Variants in TPRG1 observed in about 807,000 individuals in gnomAD.
The protein encoded by TPRG1 is tumor protein p63 regulated 1, also known as tumor protein p63-regulated gene 1 protein.
In TPRG1, 29 loss-of-function variants were observed where a neutral mutation model predicts 29.3. The observed-to-expected ratio is 0.99, with a 90% CI of 0.74 to 1.35. The LOEUF (loss-of-function observed/expected upper bound fraction) is 1.35. Ranked by LOEUF, TPRG1 falls within the 40% of genes most tolerant of loss-of-function variation. TPRG1 has a pLI of 0.00. For missense variants in TPRG1, 327 were observed against 335.0 expected, an observed-to-expected ratio of 0.98 and a Z score of 0.19; for synonymous variants, 130 against 116.8, an observed-to-expected ratio of 1.11 and a Z score of -0.73.
chr3:189,164,520 A>G (rs1403841938), intron 5 of TPRG1, among the ~76,000 whole-genome samples: 4 of 152,090 alleles, frequency 2.6e-5, no homozygotes, highest in Admixed American at 6.6e-5. Context: ...GTGAAAACCT[A>G]GGATACTAGC....
At chr3:189,188,420 G>A (rs558692134) in intron 1 of TPRG1, among the ~76,000 whole-genome samples, 4 of 152,226 alleles carry the variant, frequency 2.6e-5, no homozygotes, top group Non-Finnish European at 5.9e-5. Flanking sequence ...CTTGTGTTGG[G>A]GCCCAAGTTC....
rs368939332 is a variant in TPRG1, at chr3:189,066,666, T to A, written c.-463+42720T>A. 5.3e-4 allele frequency among the ~76,000 whole-genome samples: 80 copies of A among 149,980 alleles called. 2 individuals are homozygous for A. In the South Asian group the frequency reaches 0.015, roughly 29 times the overall value. On this transcript the variant is annotated intron_variant, in intron 4 of 10. Coordinates refer to the TPRG1 transcript ENST00000433971. ...AAAAAAACTGGCTATAGAAGAAACA[T>A]GCCTCAATACAATAAAAGCCATATA...
At chr3:189,051,046 C>A (rs1272014651) in intron 4 of TPRG1, among the ~76,000 whole-genome samples, 1 of 152,106 alleles carries the variant, frequency 6.6e-6, no homozygotes, top group Non-Finnish European at 1.5e-5. Context: ...CCCACTCTCA[C>A]CACTCCTTTT....
intron 4 of TPRG1, among the ~76,000 whole-genome samples, chr3:189,034,726 G>A (rs1480818507): frequency 6.6e-6 from 1 of 152,024 alleles, no homozygotes; most frequent in Non-Finnish European, 1.5e-5. Context: ...ATTTTCCACT[G>A]AAGAAGCTAA....
At chr3:189,219,624 A>G (rs1351362792) in intron 3 of TPRG1, 1 of 1,289,242 alleles carries the variant, frequency 7.8e-7, no homozygotes. Context: ...TGGAATTTCA[A>G]AAAGTATGAT....
chr3:189,248,111 T>A (rs1180785606), intron 4 of TPRG1, among the ~76,000 whole-genome samples: 1 of 151,910 alleles, frequency 6.6e-6, no homozygotes, highest in Non-Finnish European at 1.5e-5. Context: ...GTGTTTCACC[T>A]ATGAAAATGC....
intron 4 of TPRG1, among the ~76,000 whole-genome samples, chr3:189,299,910 T>A (rs1018122290): frequency 6.6e-6 from 1 of 152,216 alleles, no homozygotes. Context: ...ATGCTAGAAT[T>A]CTACTCAAAA....
At chr3:189,033,261 G>A (rs888636258) in intron 4 of TPRG1, among the ~76,000 whole-genome samples, 4 of 151,598 alleles carry the variant, frequency 2.6e-5, no homozygotes, top group African/African-American at 9.7e-5. Context: ...GAACAGCTAC[G>A]CAGAGTCATT....
At chr3:189,159,647 C>T (rs1167470606) in intron 5 of TPRG1, among the ~76,000 whole-genome samples, 1 of 152,132 alleles carries the variant, frequency 6.6e-6, no homozygotes, top group Non-Finnish European at 1.5e-5. Flanking sequence ...GAGTCCCAAA[C>T]TGGAATGATC....
intron 1 of TPRG1, among the ~76,000 whole-genome samples, chr3:189,112,763 G>C (rs1189498595): frequency 3.3e-5 from 5 of 152,158 alleles, no homozygotes; most frequent in Non-Finnish European, 4.4e-5. Flanking sequence ...GTACCATGCT[G>C]TTTTGGTTAC....
intron 3 of TPRG1, among the ~76,000 whole-genome samples, chr3:189,136,021 T>C (rs1366968297): frequency 1.3e-5 from 2 of 152,210 alleles, no homozygotes; most frequent in African/African-American, 4.8e-5. Flanking sequence ...TAAATTATAT[T>C]ATAGCTGTGT....
chr3:189,264,671 G>C (rs1410085300), intron 4 of TPRG1, among the ~76,000 whole-genome samples: 1 of 152,028 alleles, frequency 6.6e-6, no homozygotes, highest in African/African-American at 2.4e-5. Flanking sequence ...TCACCAAAAA[G>C]ATTTTTTAAG....
chr3:189,110,823 C>G (rs1436675931), intron 1 of TPRG1, among the ~76,000 whole-genome samples: 2 of 151,810 alleles, frequency 1.3e-5, no homozygotes, highest in East Asian at 3.8e-4. Flanking sequence ...AAAGACTACC[C>G]TTTCTTTACT....
In TPRG1 at chr3:189,266,227, T is replaced by C. The variant is rs995925636; in HGVS notation, c.479+27318T>C. On this transcript the variant is annotated intron_variant, in intron 4 of 5. Coordinates refer to ENST00000345063, the MANE Select transcript of TPRG1 (RefSeq NM_198485.4). Reference sequence around the variant, plus strand: ...AGAAGTGCCAAACTGGTGACTGCCATAGGTGTTCCAAATGTATTAGCTTCC... The same window carrying C: ...AGAAGTGCCAAACTGGTGACTGCCACAGGTGTTCCAAATGTATTAGCTTCC... 2.6e-4 allele frequency among the ~76,000 whole-genome samples: 39 copies of C among 152,222 alleles called. 2 individuals carry two copies. The highest frequency in any genetic ancestry group is 9.4e-4 in the African/African-American group (39 of 41,452).
At chr3:189,126,456 A>G (rs1447614947) in intron 1 of TPRG1, among the ~76,000 whole-genome samples, 1 of 152,226 alleles carries the variant, frequency 6.6e-6, no homozygotes, top group African/African-American at 2.4e-5. Flanking sequence ...TTATTTATAA[A>G]TTGGGAAAAA....
intron 4 of TPRG1, among the ~76,000 whole-genome samples, chr3:189,261,984 T>C (rs913668314): frequency 1.3e-5 from 2 of 152,040 alleles, no homozygotes; most frequent in African/African-American, 4.8e-5. Context: ...TATTAGGATA[T>C]GAGATTATTG....
intron 1 of TPRG1, among the ~76,000 whole-genome samples, chr3:189,111,037 A>T (rs1052436448): frequency 6.6e-6 from 1 of 151,936 alleles, no homozygotes; most frequent in Non-Finnish European, 1.5e-5. Context: ...GCTTTGAAAA[A>T]TATTCCAGCT....
At chr3:189,287,400 C>CTTTTT (rs79217716) in intron 4 of TPRG1, among the ~76,000 whole-genome samples, 4 of 140,706 alleles carry the variant, frequency 2.8e-5, no homozygotes, top group African/African-American at 5.2e-5. Flanking sequence ...TTCTTTCTTT[C>CTTTTT]TTTTTTTTTT....
At chr3:189,308,234 G>A (rs987157325) in intron 4 of TPRG1, among the ~76,000 whole-genome samples, 8 of 152,092 alleles carry the variant, frequency 5.3e-5, no homozygotes, top group South Asian at 4.1e-4. Flanking sequence ...CCATAGTCAC[G>A]CAATGTTAAG....
Sources: allele counts gnomAD v4.1 joint callset (sites outside exome capture counted in the v4.1 genomes callset), GRCh38; gene constraint gnomAD v4.1.1; transcripts MANE v1.5; gene names NCBI Gene and HGNC (gene_info 2026-07-23, HGNC 2026-07-21).